The following BCHE variants were observed in gnomAD, a reference collection of about 807,000 sequenced individuals.
The protein encoded by BCHE is cholinesterase.
BCHE carries 48 observed loss-of-function variants against 51.3 expected under a neutral mutation model. The ratio of observed to expected loss-of-function variants is 0.94; its 90% CI spans 0.74 to 1.19. The LOEUF (loss-of-function observed/expected upper bound fraction) is 1.19. Ranked by LOEUF, BCHE falls within the 50% of genes most tolerant of loss-of-function variation. BCHE has a pLI of 0.00. For synonymous variants in BCHE, 251 were observed against 238.0 expected (o/e 1.05, Z -0.50); for missense variants, 847 against 708.2 (o/e 1.20, Z -2.23).
chr3:165,834,275 G>A (rs941951087), intron 1 of BCHE, among the ~76,000 whole-genome samples: 17 of 151,914 alleles, frequency 1.1e-4, no homozygotes, highest in African/African-American at 4.1e-4. Flanking sequence ...TGCTGAGTAG[G>A]TCTTGTTATA....
chr3:165,822,638 C>A (rs1176106586), intron 2 of BCHE, among the ~76,000 whole-genome samples: 3 of 151,978 alleles, frequency 2.0e-5, no homozygotes, highest in Non-Finnish European at 2.9e-5. Flanking sequence ...GTGAATGGTT[C>A]TCTCTGAGAT....
At chr3:165,777,150 G>T (rs911057974) in intron 3 of BCHE, among the ~76,000 whole-genome samples, 2 of 151,664 alleles carry the variant, frequency 1.3e-5, no homozygotes, top group African/African-American at 4.8e-5. Flanking sequence ...TACAATTCTC[G>T]TAACTATTTT....
intron 1 of BCHE, among the ~76,000 whole-genome samples, chr3:165,832,428 G>A (rs542648270): frequency 8.5e-5 from 13 of 152,098 alleles, no homozygotes; most frequent in African/African-American, 2.4e-4. Flanking sequence ...AAGTAGCTGG[G>A]ATTACAGGTG....
chr3:165,788,546 C>T (rs1030769257), intron 2 of BCHE, among the ~76,000 whole-genome samples: 7 of 152,042 alleles, frequency 4.6e-5, no homozygotes, highest in Admixed American at 2.6e-4. Flanking sequence ...TAGAAACTAA[C>T]AAGTACAGCT....
At chr3:165,808,266 C>T (rs552601968) in intron 2 of BCHE, among the ~76,000 whole-genome samples, 1 of 151,898 alleles carries the variant, frequency 6.6e-6, no homozygotes, top group African/African-American at 2.4e-5. Context: ...ATTACAGGCG[C>T]GATATTGCTT....
At chr3:165,778,879 T>C (rs1415488417) in intron 3 of BCHE, 4 of 185,392 alleles carry the variant, frequency 2.2e-5, no homozygotes, top group African/African-American at 4.6e-5. Flanking sequence ...CTAGGAAAGA[T>C]AACCCATTTA....
chr3:165,806,630 A>G (rs558771272), intron 2 of BCHE, among the ~76,000 whole-genome samples: 10 of 152,324 alleles, frequency 6.6e-5, no homozygotes, highest in Admixed American at 2.0e-4. Context: ...CATTTAATAT[A>G]AAATATCAGA....
intron 2 of BCHE, 44 bp from the exon 3 acceptor site, chr3:165,786,355 G>A (rs1321451936): frequency 1.3e-6 from 2 of 1,518,086 alleles, no homozygotes; most frequent in African/African-American, 2.8e-5. Flanking sequence ...TGAAATCATT[G>A]TTAGATTAAA....
intron 3 of BCHE, among the ~76,000 whole-genome samples, chr3:165,780,257 A>G (rs372893435): frequency 6.6e-6 from 1 of 152,330 alleles, no homozygotes; most frequent in East Asian, 1.9e-4. Flanking sequence ...ACAAAGATTA[A>G]CTCAAGATGG....
intron 2 of BCHE, among the ~76,000 whole-genome samples, chr3:165,808,458 T>A (rs1308555524): frequency 2.0e-5 from 3 of 152,110 alleles, no homozygotes; most frequent in African/African-American, 7.2e-5. Flanking sequence ...AAGTCATATA[T>A]TCCTTTTAGT....
At chr3:165,795,048 G>A (rs963041536) in intron 2 of BCHE, among the ~76,000 whole-genome samples, 63 of 152,038 alleles carry the variant, frequency 4.1e-4, no homozygotes, top group Middle Eastern at 3.4e-3. Context: ...AATAGCTTTC[G>A]GAACTTTGGA....
chr3:165,808,425 T>A (rs930888106), intron 2 of BCHE, among the ~76,000 whole-genome samples: 1 of 152,080 alleles, frequency 6.6e-6, no homozygotes, highest in Admixed American at 6.6e-5. Context: ...ACCAGATACC[T>A]GTACCATATG....
At chr3:165,811,088 T>TA (rs1454200148) in intron 2 of BCHE, among the ~76,000 whole-genome samples, 1 of 152,126 alleles carries the variant, frequency 6.6e-6, no homozygotes, top group Non-Finnish European at 1.5e-5. Flanking sequence ...ATCTTTATTT[T>TA]AAAAAATCAG....
chr3:165,810,688 A>G (rs1181560853), intron 2 of BCHE, among the ~76,000 whole-genome samples: 1 of 152,058 alleles, frequency 6.6e-6, no homozygotes, highest in Non-Finnish European at 1.5e-5. Flanking sequence ...CTATCTGGAG[A>G]ATTAAGTTCC....
intron 2 of BCHE, among the ~76,000 whole-genome samples, chr3:165,800,904 TATTA>T (rs1217340778): frequency 1.3e-5 from 2 of 152,190 alleles, no homozygotes; most frequent in African/African-American, 4.8e-5. Flanking sequence ...GATTAATAGA[TATTA>T]ATTTATGTAG....
chr3:165,818,298 G>A (rs1009849202), intron 2 of BCHE, among the ~76,000 whole-genome samples: 4 of 151,838 alleles, frequency 2.6e-5, no homozygotes, highest in Non-Finnish European at 5.9e-5. Flanking sequence ...AGTTTACCTA[G>A]TACACTGAGA....
intron 2 of BCHE, among the ~76,000 whole-genome samples, chr3:165,810,028 A>T (rs142133366): frequency 6.6e-6 from 1 of 152,186 alleles, no homozygotes. Flanking sequence ...TATTGATAGC[A>T]TAAGTTACTA....
At chr3:165,791,867 G>C (rs2108206738) in intron 2 of BCHE, among the ~76,000 whole-genome samples, 1 of 152,226 alleles carries the variant, frequency 6.6e-6, no homozygotes, top group East Asian at 1.9e-4. Context: ...AGAATGGCTT[G>C]AACCTGGGAG....
rs121918558 is a variant in BCHE, at chr3:165,830,567, T to A, written c.467A>T (p.Tyr156Phe). ...AACCCGAGCCAGAAACTTGCCATCA[T>A]AAACATGTAAAGATGATGTTCCAGT... ...FQTGTSSLHV[Y>F]DGKFLARVER... The change falls in exon 2 of 4, where the codon TAT (tyrosine) becomes TTT (phenylalanine). Residue 156 changes from tyrosine (Y) to phenylalanine (F), a missense_variant. Transcript: ENST00000264381. 6.2e-7 allele frequency: 1 copy of A among 1,614,006 alleles called. No homozygotes were observed. Among genetic ancestry groups the A allele is most frequent in the South Asian group, 1.1e-5 (1 of 91,078 alleles).
Sources: gnomAD v4.1 joint callset for allele counts (sites outside exome capture counted in the v4.1 genomes callset) on GRCh38, gnomAD v4.1.1 for gene constraint, MANE v1.5 for transcripts, NCBI Gene and HGNC (gene_info 2026-07-23, HGNC 2026-07-21) for gene names.